Variants in NAV2 observed in about 807,000 individuals in gnomAD.
The protein encoded by NAV2 is helicase, APC down-regulated 1.
Under a neutral mutation model 223.2 loss-of-function variants are expected in NAV2, and 54 were observed. That is an observed-to-expected ratio of 0.24 (90% CI 0.19 to 0.30). The LOEUF is 0.30. Among genes scored for constraint, NAV2 ranks in the 10% least tolerant of loss-of-function variants. The pLI, the probability that NAV2 is intolerant of heterozygous loss-of-function variation, is 1.00. For missense variants in NAV2, 2,806 were observed against 3,147.5 expected, an observed-to-expected ratio of 0.89 and a Z score of 2.60; for synonymous variants, 1,279 against 1,239.3, an observed-to-expected ratio of 1.03 and a Z score of -0.67.
chr11:19,539,166 C>T (rs979678319), intron 1 of NAV2, among the ~76,000 whole-genome samples: 1 of 152,220 alleles, frequency 6.6e-6, no homozygotes, highest in African/African-American at 2.4e-5. Context: ...CGTACTGAGC[C>T]TCATTACGAT....
rs1159969666 is a variant in NAV2, at chr11:20,100,963, C to A, written c.6208C>A (p.Leu2070Met). The A allele has an allele frequency of 1.9e-6, 3 of 1,613,900 alleles. No homozygotes were observed. The African/African-American group carries it at 4.0e-5, about 22-fold the overall frequency. Reference sequence around the variant, plus strand: ...GCTCGCAGAAAACAGCCTGGACTCACTGGTGTTTGAGTCCTTGATTCCCAA... The same window carrying A: ...GCTCGCAGAAAACAGCCTGGACTCAATGGTGTTTGAGTCCTTGATTCCCAA... ...KGLAENSLDS[L>M]VFESLIPKPI... is the part of the protein sequence containing the mutation. Residue 2070 changes from leucine (L) to methionine (M), a missense_variant, in exon 32 of 38, where the codon CTG becomes ATG. By Grantham distance (15) the Leu-to-Met change is conservative (BLOSUM62 2). Transcript: ENST00000349880.
At chr11:19,770,748 CTA>C (rs2055654712) in intron 1 of NAV2, among the ~76,000 whole-genome samples, 1 of 152,174 alleles carries the variant, frequency 6.6e-6, no homozygotes, top group East Asian at 1.9e-4. Context: ...TGAACGCCTT[CTA>C]TGTTTCGAGC....
At chr11:19,914,609 A>G (rs938921792) in intron 6 of NAV2, among the ~76,000 whole-genome samples, 2 of 151,602 alleles carry the variant, frequency 1.3e-5, no homozygotes, top group Admixed American at 1.3e-4. Context: ...CAGTGGCGCA[A>G]TCTCGGCTCA....
intron 12 of NAV2, among the ~76,000 whole-genome samples, chr11:20,040,880 G>A (rs12795009): frequency 0.44 from 67,050 of 152,008 alleles, 15,250 homozygotes; most frequent in Admixed American, 0.59. Context: ...AATCCCAAGG[G>A]GTGCCACCTT....
intron 1 of NAV2, among the ~76,000 whole-genome samples, chr11:19,738,750 C>A (rs574978129): frequency 2.0e-5 from 3 of 152,252 alleles, no homozygotes; most frequent in South Asian, 4.1e-4. Flanking sequence ...GTTTTAATGA[C>A]AGCAGAGATG....
At chr11:19,623,077 A>G in intron 1 of NAV2, among the ~76,000 whole-genome samples, 1 of 152,220 alleles carries the variant, frequency 6.6e-6, no homozygotes, top group East Asian at 1.9e-4. Flanking sequence ...TTCTTTAAGA[A>G]TATTGAATAT....
At chr11:19,435,045 A>C (rs891866903) in intron 1 of NAV2, among the ~76,000 whole-genome samples, 1 of 152,220 alleles carries the variant, frequency 6.6e-6, no homozygotes, top group East Asian at 1.9e-4. Flanking sequence ...GGCATGATCA[A>C]ATTAGACTAG....
chr11:19,347,565 T>G (rs1853073708), upstream of NAV2, among the ~76,000 whole-genome samples: 1 of 152,140 alleles, frequency 6.6e-6, no homozygotes, highest in Non-Finnish European at 1.5e-5. Context: ...AGAGTGGGCT[T>G]GTCTTATGAA....
chr11:19,580,826 G>A lies in NAV2; in HGVS notation c.75+229799G>A, dbSNP rs554609359. ...TTAGGAGTAAAACTGCTGAGTAGAA[G>A]GTATGTGAATGTTCAACTTTACCAG... On this transcript the variant is annotated intron_variant, in intron 1 of 37. Coordinates refer to the NAV2 transcript ENST00000360655. 2.0e-5 allele frequency among the ~76,000 whole-genome samples: 3 copies of A among 152,222 alleles called. No individual in the cohort carries two copies. In the South Asian group the frequency reaches 6.2e-4, roughly 32 times the overall value.
chr11:19,906,991 T>A (rs1392342747), intron 6 of NAV2, among the ~76,000 whole-genome samples: 1 of 152,204 alleles, frequency 6.6e-6, no homozygotes, highest in East Asian at 1.9e-4. Context: ...GCAACTCTAT[T>A]TGATGGCTGT....
chr11:19,688,075 G>A (rs2049072958), intron 1 of NAV2, among the ~76,000 whole-genome samples: 3 of 152,290 alleles, frequency 2.0e-5, no homozygotes, highest in Admixed American at 6.5e-5. Flanking sequence ...GGATGAAAGA[G>A]GGGAGGCAAC....
intron 1 of NAV2, among the ~76,000 whole-genome samples, chr11:19,677,570 TCC>T (rs1427801728): frequency 6.6e-6 from 1 of 152,204 alleles, no homozygotes; most frequent in African/African-American, 2.4e-5. Context: ...ACAGAATGAC[TCC>T]TAAAAATTAT....
chr11:19,445,057 ATTAT>A (rs948680709), intron 1 of NAV2, among the ~76,000 whole-genome samples: 92 of 152,288 alleles, frequency 6.0e-4, no homozygotes, highest in African/African-American at 2.0e-3. Context: ...CACCACCATC[ATTAT>A]TTATCAATGG....
intron 5 of NAV2, chr11:19,884,244 C>A (rs1174188924): frequency 2.2e-6 from 3 of 1,364,770 alleles, no homozygotes; most frequent in Non-Finnish European, 3.1e-6. Context: ...TCTAATGTAT[C>A]TTCTCTCTCC....
At chr11:19,743,599 G>A (rs1203780637) in intron 1 of NAV2, among the ~76,000 whole-genome samples, 1 of 152,228 alleles carries the variant, frequency 6.6e-6, no homozygotes, top group Non-Finnish European at 1.5e-5. Flanking sequence ...CAACATTCTG[G>A]GTCTCAATGA....
intron 20 of NAV2, among the ~76,000 whole-genome samples, chr11:20,066,600 T>A (rs544323789): frequency 1.4e-4 from 22 of 151,998 alleles, no homozygotes; most frequent in Non-Finnish European, 2.8e-4. Flanking sequence ...ATGGGGAGCA[T>A]AGGTTGAAGG....
At position 19,515,176 on chromosome 11, in the gene NAV2, T is replaced by C. The variant is rs1369551354; in HGVS notation, c.75+164149T>C. Among the ~76,000 whole-genome samples the C allele has an allele frequency of 2.6e-5, 4 of 152,184 alleles. No homozygotes were observed. The East Asian group carries it at 7.7e-4, about 29-fold the overall frequency. ...TATTCTTAACCTCATATAGCCAGTG[T>C]GGAGAATACAAATTTTCATATTTAT... On this transcript the variant is annotated intron_variant, in intron 1 of 37. Coordinates refer to the NAV2 transcript ENST00000360655.
intron 1 of NAV2, among the ~76,000 whole-genome samples, chr11:19,385,449 T>C (rs1848998005): frequency 6.6e-6 from 1 of 152,248 alleles, no homozygotes; most frequent in South Asian, 2.1e-4. Flanking sequence ...TAGCTAGTGC[T>C]ATTTATCATA....
intron 6 of NAV2, among the ~76,000 whole-genome samples, chr11:19,927,164 T>C (rs968475038): frequency 6.6e-6 from 1 of 152,246 alleles, no homozygotes; most frequent in African/African-American, 2.4e-5. Context: ...CTGTCTGCAG[T>C]GTTTCAAATG....
Sources: gnomAD v4.1 joint callset for allele counts (sites outside exome capture counted in the v4.1 genomes callset) on GRCh38, gnomAD v4.1.1 for gene constraint, MANE v1.5 for transcripts, NCBI Gene and HGNC (gene_info 2026-07-23, HGNC 2026-07-21) for gene names.